NETO1: variants seen among roughly 807,000 people sequenced by gnomAD.
NETO1 encodes neuropilin and tolloid-like protein 1.
Under a neutral mutation model 61.3 loss-of-function variants are expected in NETO1, and 26 were observed. The ratio of observed to expected loss-of-function variants is 0.42; its 90% CI spans 0.31 to 0.59. The LOEUF is 0.59. NETO1 is among the 20% of genes least tolerant of loss of function. The probability of loss-of-function intolerance (pLI) is 0.12; values close to 1 mark genes in which losing one functional copy is unlikely to be tolerated. For synonymous variants in NETO1, 225 were observed against 225.8 expected, an observed-to-expected ratio of 1.00 and a Z score of 0.03; for missense variants, 531 against 662.8, an observed-to-expected ratio of 0.80 and a Z score of 2.18.
chr18:72,818,199 G>T (rs1480877774), intron 4 of NETO1, among the ~76,000 whole-genome samples: 1 of 152,202 alleles, frequency 6.6e-6, no homozygotes, highest in Non-Finnish European at 1.5e-5. Context: ...TTGTAAATTT[G>T]CAAGTGTACT....
intron 8 of NETO1, among the ~76,000 whole-genome samples, chr18:72,754,948 G>A (rs1034745113): frequency 6.6e-6 from 1 of 152,110 alleles, no homozygotes; most frequent in Non-Finnish European, 1.5e-5. Flanking sequence ...GCTCGCCATA[G>A]GCATAACCTC....
chr18:72,831,731 C>T (rs2073585393), intron 4 of NETO1, among the ~76,000 whole-genome samples: 1 of 152,222 alleles, frequency 6.6e-6, no homozygotes, highest in Admixed American at 6.5e-5. Flanking sequence ...TCACATACAT[C>T]TTGTATAACT....
chr18:72,772,867 A>C (rs1453327370), intron 7 of NETO1, among the ~76,000 whole-genome samples: 1 of 99,014 alleles, frequency 1.0e-5, no homozygotes, highest in East Asian at 3.1e-4. Context: ...ATATATATAT[A>C]TATATCAGTT....
At chr18:72,769,559 G>A (rs1260895903) in intron 7 of NETO1, among the ~76,000 whole-genome samples, 1 of 152,040 alleles carries the variant, frequency 6.6e-6, no homozygotes, top group Non-Finnish European at 1.5e-5. Flanking sequence ...GTAAAAAAGT[G>A]TTTACCAAAC....
chr18:72,824,714 A>AC (rs1249857126), intron 4 of NETO1, among the ~76,000 whole-genome samples: 1 of 150,194 alleles, frequency 6.7e-6, no homozygotes, highest in East Asian at 1.9e-4. Flanking sequence ...AAAATACAAA[A>AC]AAAAAACAAA....
At chr18:72,863,648 A>C (rs2074647548) in intron 3 of NETO1, among the ~76,000 whole-genome samples, 1 of 152,166 alleles carries the variant, frequency 6.6e-6, no homozygotes, top group Non-Finnish European at 1.5e-5. Flanking sequence ...TCTTTGGCCC[A>C]ATAATTACCA....
chr18:72,867,320 C>A lies in NETO1; in HGVS notation c.-29G>T. ...TGTGCGTTACACCAGAGGCTCCGGG[C>A]TCCACTAATTCCATTTAGAGACGGG... On this transcript the variant is annotated 5_prime_UTR_variant, in exon 1 of 11. Transcript: ENST00000327305. The A allele has an allele frequency of 6.4e-7, 1 of 1,558,908 alleles. No homozygotes were observed. Among genetic ancestry groups the A allele is most frequent in the Non-Finnish European group, 8.7e-7 (1 of 1,152,084 alleles).
At chr18:72,822,258 A>G (rs1227439314) in intron 4 of NETO1, among the ~76,000 whole-genome samples, 2 of 152,174 alleles carry the variant, frequency 1.3e-5, no homozygotes, top group Non-Finnish European at 2.9e-5. Context: ...GGGGCTGGGA[A>G]AGGATGGGCT....
intron 4 of NETO1, among the ~76,000 whole-genome samples, chr18:72,837,521 G>A (rs1371483711): frequency 6.6e-6 from 1 of 152,136 alleles, no homozygotes; most frequent in Admixed American, 6.6e-5. Flanking sequence ...TTTAGAGTCA[G>A]ACAACACAAG....
chr18:72,742,844 T>C (rs1318467035), downstream of NETO1: 5 of 152,206 alleles, frequency 3.3e-5, no homozygotes, highest in Non-Finnish European at 5.9e-5. Context: ...AAAAATTACA[T>C]GTAAAACACT....
At chr18:72,764,693 C>T (rs868295510) in intron 7 of NETO1, among the ~76,000 whole-genome samples, 3 of 152,190 alleles carry the variant, frequency 2.0e-5, no homozygotes, top group South Asian at 2.1e-4. Flanking sequence ...TAATTACCAT[C>T]GCAAACAGAA....
intron 4 of NETO1, among the ~76,000 whole-genome samples, chr18:72,822,251 G>C (rs191166560): frequency 9.0e-4 from 137 of 152,324 alleles, no homozygotes; most frequent in Admixed American, 2.0e-3. Flanking sequence ...GGGTGGAGGG[G>C]CTGGGAAAGG....
intron 7 of NETO1, among the ~76,000 whole-genome samples, chr18:72,769,784 C>G (rs2071289630): frequency 6.6e-6 from 1 of 152,048 alleles, no homozygotes; most frequent in Non-Finnish European, 1.5e-5. Context: ...TTTCTTAACA[C>G]AGTAAAATAT....
At chr18:72,752,487 G>A (rs867489400) in intron 8 of NETO1, among the ~76,000 whole-genome samples, 64 of 152,264 alleles carry the variant, frequency 4.2e-4, no homozygotes, top group African/African-American at 1.5e-3. Context: ...CACTAAAATG[G>A]TCCAGCCAAG....
intron 7 of NETO1, among the ~76,000 whole-genome samples, chr18:72,764,972 T>G (rs1210470091): frequency 6.6e-6 from 1 of 152,154 alleles, no homozygotes; most frequent in East Asian, 1.9e-4. Context: ...CACCATTCAC[T>G]GACAGCAATC....
At position 72,750,154 on chromosome 18, in the gene NETO1, C is replaced by A. The variant is rs547454811; in HGVS notation, c.1449G>T (p.Ser483=). ...TGTCACAGGCATCTGCAGCATCTTGCGAGTAGCTGTGTTTCATGACAAGGA... is the reference window on the plus strand; with the variant it reads ...TGTCACAGGCATCTGCAGCATCTTGAGAGTAGCTGTGTTTCATGACAAGGA... The part of the protein sequence containing the change: ...RNILVMKHSY[S]QDAADACDID... The change falls in exon 9 of 11, where the codon TCG becomes TCT. Residue 483 remains serine, a synonymous_variant. Transcript: ENST00000327305. 11 of 1,613,874 alleles carry A rather than the reference C, an allele frequency of 6.8e-6. No homozygotes were observed. Among genetic ancestry groups the A allele is most frequent in the Non-Finnish European group, 8.5e-6 (10 of 1,179,948 alleles).
At chr18:72,782,200 T>C (rs1187484515) in intron 7 of NETO1, among the ~76,000 whole-genome samples, 1 of 152,342 alleles carries the variant, frequency 6.6e-6, no homozygotes, top group Non-Finnish European at 1.5e-5. Flanking sequence ...TATGGCTACA[T>C]AGTATTCCAC....
intron 4 of NETO1, among the ~76,000 whole-genome samples, chr18:72,814,395 T>TA (rs1296594444): frequency 6.6e-6 from 1 of 151,780 alleles, no homozygotes; most frequent in Non-Finnish European, 1.5e-5. Context: ...AAAAGTAATT[T>TA]AATTCCAAAA....
chr18:72,828,769 C>G (rs577731858), intron 4 of NETO1, among the ~76,000 whole-genome samples: 78 of 152,220 alleles, frequency 5.1e-4, no homozygotes, highest in African/African-American at 1.8e-3. Flanking sequence ...AAGGAAATGA[C>G]AGGATGACTG....
Sources: gnomAD v4.1 joint callset for allele counts (sites outside exome capture counted in the v4.1 genomes callset) on GRCh38, gnomAD v4.1.1 for gene constraint, MANE v1.5 for transcripts, NCBI Gene and HGNC (gene_info 2026-07-23, HGNC 2026-07-21) for gene names.